ASIC2: variants seen among roughly 807,000 people sequenced by gnomAD.
The protein encoded by ASIC2 is acid sensing ion channel subunit 2, also known as acid-sensing ion channel 2.
A neutral mutation model predicts 57.3 loss-of-function variants in ASIC2; 25 were observed. The ratio of observed to expected loss-of-function variants is 0.44; its 90% CI spans 0.32 to 0.61. ASIC2 has a LOEUF of 0.61. ASIC2 is among the 20% of genes least tolerant of loss of function. The probability of loss-of-function intolerance (pLI) is 0.06; values close to 1 mark genes in which losing one functional copy is unlikely to be tolerated. For synonymous variants in ASIC2, 319 were observed against 307.5 expected (o/e 1.04, Z -0.39); for missense variants, 641 against 738.1 (o/e 0.87, Z 1.52).
rs527809087 is a variant in ASIC2 at position 33,169,771 on chromosome 17, T to G, written c.709-57704A>C. ...CTCTGCCATATATAGCAGAGGGGGT[T>G]TCTGGAGAAGACGTCTATGAATGTG... On this transcript the variant is annotated intron_variant, in intron 1 of 9. Coordinates refer to ENST00000225823, the MANE Select transcript of ASIC2 (RefSeq NM_183377.2). Among the ~76,000 whole-genome samples the G allele has an allele frequency of 3.3e-4, 50 of 152,262 alleles. 1 individual carries two copies. The highest frequency in any genetic ancestry group is 6.8e-3 in the Middle Eastern group (2 of 294).
At chr17:33,517,016 G>GT (rs926713917) in intron 1 of ASIC2, among the ~76,000 whole-genome samples, 1 of 152,200 alleles carries the variant, frequency 6.6e-6, no homozygotes. Flanking sequence ...GTCCCTGGTA[G>GT]TTAACGAAGC....
At chr17:33,894,050 C>G (rs140276846) in intron 1 of ASIC2, among the ~76,000 whole-genome samples, 95 of 151,000 alleles carry the variant, frequency 6.3e-4, no homozygotes, top group African/African-American at 2.3e-3. Context: ...AGCTGATTGG[C>G]TCTATATTTT....
chr17:34,071,805 G>C (rs1909415632), intron 1 of ASIC2: 1 of 146,014 alleles, frequency 6.8e-6, no homozygotes, highest in Non-Finnish European at 1.5e-5. Context: ...ACTCCAGCCT[G>C]GACAACAGAG....
At chr17:34,131,387 C>G (rs1396257631) in intron 1 of ASIC2, among the ~76,000 whole-genome samples, 1 of 152,170 alleles carries the variant, frequency 6.6e-6, no homozygotes, top group Non-Finnish European at 1.5e-5. Context: ...CTGCCAGCCC[C>G]CCAAGCTCCA....
intron 1 of ASIC2, among the ~76,000 whole-genome samples, chr17:33,683,088 G>GTGC (rs1227225031): frequency 6.6e-6 from 1 of 152,132 alleles, no homozygotes; most frequent in Non-Finnish European, 1.5e-5. Flanking sequence ...GCCCTATAAG[G>GTGC]TGCTACAGAA....
intron 1 of ASIC2, among the ~76,000 whole-genome samples, chr17:33,219,866 C>T (rs968950199): frequency 2.0e-5 from 3 of 152,172 alleles, no homozygotes; most frequent in African/African-American, 7.2e-5. Context: ...TTTGTTCATT[C>T]CCAGGATGTT....
At chr17:33,723,521 G>C (rs1279458386) in intron 1 of ASIC2, among the ~76,000 whole-genome samples, 7 of 152,002 alleles carry the variant, frequency 4.6e-5, no homozygotes, top group Admixed American at 2.6e-4. Context: ...TAGAGATATG[G>C]TTTCACCCTG....
chr17:34,063,904 T>C (rs1567805981), intron 1 of ASIC2, among the ~76,000 whole-genome samples: 1 of 152,196 alleles, frequency 6.6e-6, no homozygotes, highest in Non-Finnish European at 1.5e-5. Context: ...ACACATTCCA[T>C]GCTCATGGAT....
rs377217218 is a variant in ASIC2 at position 33,635,017 on chromosome 17, C to A, written c.555+520961G>T. The A allele has an allele frequency of 9.9e-5, 15 of 152,232 alleles. No individual in the cohort carries two copies. The East Asian group carries it at 2.7e-3, about 27-fold the overall frequency. 9.4% of individuals were successfully genotyped at this position (152,232 alleles called of 1,614,324 possible). ...TTCACACATTCCAAGTCACACATTTCTGTAATATTAGAAATTTTACAAGCA... is the reference window on the plus strand; with the variant it reads ...TTCACACATTCCAAGTCACACATTTATGTAATATTAGAAATTTTACAAGCA... On this transcript the variant is annotated intron_variant, in intron 1 of 9. Coordinates refer to the ASIC2 transcript ENST00000359872.
At chr17:33,190,258 C>T (rs4795752) in intron 1 of ASIC2, among the ~76,000 whole-genome samples, 40,527 of 151,782 alleles carry the variant, frequency 0.27, 6,802 homozygotes, top group Non-Finnish European at 0.39. Flanking sequence ...ACTATATAAA[C>T]GGTTGGAAAT....
intron 1 of ASIC2, among the ~76,000 whole-genome samples, chr17:33,596,437 A>G (rs557949842): frequency 1.3e-5 from 2 of 152,358 alleles, no homozygotes; most frequent in South Asian, 2.1e-4. Context: ...CAATTTTGAT[A>G]TAACGGGGGA....
intron 1 of ASIC2, among the ~76,000 whole-genome samples, chr17:33,568,093 A>G (rs1273210477): frequency 6.6e-6 from 1 of 152,174 alleles, no homozygotes; most frequent in East Asian, 1.9e-4. Flanking sequence ...TCACAAGTCA[A>G]TCTGACCTCC....
intron 3 of ASIC2, among the ~76,000 whole-genome samples, chr17:33,063,031 C>T (rs182381676): frequency 2.2e-4 from 34 of 152,262 alleles, no homozygotes; most frequent in African/African-American, 7.9e-4. Flanking sequence ...CTTTCTCCAT[C>T]CCTTTATTTT....
At chr17:33,410,637 C>T (rs982350488) in intron 1 of ASIC2, among the ~76,000 whole-genome samples, 4 of 152,088 alleles carry the variant, frequency 2.6e-5, no homozygotes, top group Admixed American at 6.5e-5. Flanking sequence ...GGCCCTCGTG[C>T]CCATTCTTCT....
intron 1 of ASIC2, among the ~76,000 whole-genome samples, chr17:34,022,028 G>A (rs1907181618): frequency 6.6e-6 from 1 of 151,858 alleles, no homozygotes; most frequent in Non-Finnish European, 1.5e-5. Flanking sequence ...TAGTAGAGAC[G>A]GGGTTTCACC....
At chr17:33,319,818 G>A (rs1464131501) in intron 1 of ASIC2, among the ~76,000 whole-genome samples, 1 of 152,192 alleles carries the variant, frequency 6.6e-6, no homozygotes, top group Non-Finnish European at 1.5e-5. Flanking sequence ...AGAGGCATGA[G>A]CCACTGTGCC....
At chr17:33,514,048 G>T (rs138542291) in intron 1 of ASIC2, among the ~76,000 whole-genome samples, 1 of 152,188 alleles carries the variant, frequency 6.6e-6, no homozygotes, top group Non-Finnish European at 1.5e-5. Flanking sequence ...CGTGTACCTC[G>T]TGGGTAGACA....
At chr17:33,912,414 A>G (rs1304245261) in intron 1 of ASIC2, among the ~76,000 whole-genome samples, 1 of 152,032 alleles carries the variant, frequency 6.6e-6, no homozygotes, top group Non-Finnish European at 1.5e-5. Context: ...CCCAGGAGGC[A>G]GAGATTGCAG....
chr17:33,885,820 T>C (rs8076707), intron 1 of ASIC2, among the ~76,000 whole-genome samples: 25,886 of 152,224 alleles, frequency 0.17, 2,347 homozygotes, highest in African/African-American at 0.23. Flanking sequence ...TGGAAGCATC[T>C]CAATTATAGA....
Sources: allele counts gnomAD v4.1 joint callset (sites outside exome capture counted in the v4.1 genomes callset), GRCh38; gene constraint gnomAD v4.1.1; transcripts MANE v1.5; gene names NCBI Gene and HGNC (gene_info 2026-07-23, HGNC 2026-07-21).